The following CACNB2 variants were observed in gnomAD, a reference collection of about 807,000 sequenced individuals.
The protein encoded by CACNB2 is voltage-dependent L-type calcium channel subunit beta-2.
CACNB2 carries 42 observed loss-of-function variants against 73.3 expected under a neutral mutation model. The observed-to-expected ratio is 0.57, with a 90% CI of 0.45 to 0.74. The LOEUF is 0.74. Among genes scored for constraint, CACNB2 ranks in the 30% least tolerant of loss-of-function variants. The pLI, the probability that CACNB2 is intolerant of heterozygous loss-of-function variation, is 0.00. For missense variants in CACNB2, 940 were observed against 853.0 expected (o/e 1.10, Z -1.27); for synonymous variants, 348 against 310.3 (o/e 1.12, Z -1.28).
chr10:18,408,710 CTT>C (rs1380540827), intron 3 of CACNB2, among the ~76,000 whole-genome samples: 1 of 152,162 alleles, frequency 6.6e-6, no homozygotes, highest in Non-Finnish European at 1.5e-5. Flanking sequence ...TGAAAACATT[CTT>C]TCTCTTGCTG....
At position 18,315,332 on chromosome 10, in the gene CACNB2, AAAAACAAAAC is replaced by A. The variant is rs141967693; in HGVS notation, c.214-86567_214-86558del. Among the ~76,000 whole-genome samples, 838 of 143,418 alleles carry A rather than the reference AAAAACAAAAC, an allele frequency of 5.8e-3. 7 individuals carry two copies. Among genetic ancestry groups the A allele is most frequent in the Admixed American group, 0.017 (238 of 14,118 alleles). The allele number at this position is 143,418 out of a possible 152,430, so 94.1% of individuals were successfully genotyped here. Reference sequence around the variant, plus strand: ...CTGGGCAACAGAGCGAGACTCTGTCAAAAACAAAACAAAACAAAACAAAACAAAACAAAAA... The same window carrying A: ...CTGGGCAACAGAGCGAGACTCTGTCAAAAACAAAACAAAACAAAACAAAAA... On this transcript the variant is annotated intron_variant, in intron 2 of 13. Transcript: ENST00000324631.
At chr10:18,419,390 T>C (rs141588775) in intron 3 of CACNB2, among the ~76,000 whole-genome samples, 3 of 152,328 alleles carry the variant, frequency 2.0e-5, no homozygotes, top group African/African-American at 7.2e-5. Context: ...AACTGTATTA[T>C]AATGTACACA....
chr10:18,371,959 A>G (rs937640233), intron 2 of CACNB2, among the ~76,000 whole-genome samples: 5 of 152,282 alleles, frequency 3.3e-5, no homozygotes, highest in Admixed American at 3.3e-4. Flanking sequence ...GCCAGTGATG[A>G]TGAGCATTTT....
At chr10:18,505,253 A>C (rs2050426186) in intron 5 of CACNB2, among the ~76,000 whole-genome samples, 1 of 152,062 alleles carries the variant, frequency 6.6e-6, no homozygotes. Context: ...CAGAAAAAAA[A>C]AAAAAACTTC....
intron 2 of CACNB2, among the ~76,000 whole-genome samples, chr10:18,251,412 C>CA (rs2037084410): frequency 6.6e-6 from 1 of 151,966 alleles, no homozygotes; most frequent in Non-Finnish European, 1.5e-5. Flanking sequence ...AACGCCCAGC[C>CA]AATTTTTGTA....
intron 3 of CACNB2, among the ~76,000 whole-genome samples, chr10:18,453,815 G>C (rs915666884): frequency 6.6e-6 from 1 of 152,070 alleles, no homozygotes; most frequent in South Asian, 2.1e-4. Context: ...ATTTTTAGTA[G>C]AGACCAGGTT....
At chr10:18,310,755 G>A (rs1328584134) in intron 2 of CACNB2, among the ~76,000 whole-genome samples, 2 of 149,276 alleles carry the variant, frequency 1.3e-5, no homozygotes, top group African/African-American at 2.5e-5. Context: ...AATTTTTTTT[G>A]TATTTTTAGT....
intron 2 of CACNB2, among the ~76,000 whole-genome samples, chr10:18,267,690 TAA>T (rs1402778210): frequency 6.6e-6 from 1 of 152,174 alleles, no homozygotes; most frequent in Admixed American, 6.5e-5. Flanking sequence ...AAAATGAAAT[TAA>T]GTTGGTGGTT....
intron 3 of CACNB2, among the ~76,000 whole-genome samples, chr10:18,463,831 G>C (rs2047717741): frequency 6.6e-6 from 1 of 151,922 alleles, no homozygotes; most frequent in African/African-American, 2.4e-5. Context: ...CATGATCAGA[G>C]CCCAAAACAC....
At chr10:18,228,874 G>T (rs1449877153) in intron 2 of CACNB2, among the ~76,000 whole-genome samples, 1 of 152,148 alleles carries the variant, frequency 6.6e-6, no homozygotes, top group African/African-American at 2.4e-5. Context: ...AAGTAGCTGG[G>T]ATTACAAGCA....
chr10:18,191,346 CG>C (rs1464289272), intron 2 of CACNB2, among the ~76,000 whole-genome samples: 5 of 152,334 alleles, frequency 3.3e-5, no homozygotes, highest in East Asian at 1.9e-4. Flanking sequence ...AGCTGCCCCC[CG>C]TGTATTGCTG....
intron 2 of CACNB2, among the ~76,000 whole-genome samples, chr10:18,354,618 T>G (rs1347647345): frequency 1.3e-5 from 2 of 152,204 alleles, no homozygotes; most frequent in African/African-American, 2.4e-5. Context: ...TGTTTTTGCT[T>G]GTATGTTTGT....
intron 2 of CACNB2, among the ~76,000 whole-genome samples, chr10:18,384,609 A>G (rs939222212): frequency 6.6e-6 from 1 of 152,072 alleles, no homozygotes; most frequent in Non-Finnish European, 1.5e-5. Flanking sequence ...GCACATTTGC[A>G]ATCCCAGCTA....
At chr10:18,220,135 A>T (rs1187412177) in intron 2 of CACNB2, among the ~76,000 whole-genome samples, 1 of 41,488 alleles carries the variant, frequency 2.4e-5, no homozygotes, top group African/African-American at 2.0e-4. Context: ...ATATATATAT[A>T]TATATATATA....
chr10:18,214,929 A>G (rs2035454277), intron 2 of CACNB2, among the ~76,000 whole-genome samples: 1 of 152,186 alleles, frequency 6.6e-6, no homozygotes, highest in African/African-American at 2.4e-5. Flanking sequence ...CCAGTTTGTC[A>G]TAGAAGGAAG....
chr10:18,530,068 T>C (rs554962411), intron 10 of CACNB2, among the ~76,000 whole-genome samples: 2 of 152,268 alleles, frequency 1.3e-5, no homozygotes, highest in African/African-American at 4.8e-5. Flanking sequence ...ACTCATTCAC[T>C]ATCAGGAGAA....
intron 2 of CACNB2, among the ~76,000 whole-genome samples, chr10:18,255,957 G>A (rs1183269779): frequency 1.3e-5 from 2 of 152,194 alleles, no homozygotes; most frequent in African/African-American, 2.4e-5. Flanking sequence ...AACTCTGACT[G>A]TGTTCTTGCC....
intron 2 of CACNB2, among the ~76,000 whole-genome samples, chr10:18,182,739 T>C (rs2033953320): frequency 6.7e-6 from 1 of 150,294 alleles, no homozygotes; most frequent in South Asian, 2.1e-4. Context: ...GGAGAATTGC[T>C]GGAACCAGGG....
chr10:18,494,840 TACTTGAGGCCAGGA>T (rs1184164331), intron 3 of CACNB2, among the ~76,000 whole-genome samples: 6 of 151,910 alleles, frequency 3.9e-5, no homozygotes, highest in African/African-American at 1.5e-4. Context: ...GGGGGAGGAT[TACTTGAGGCCAGGA>T]GTTTGAGGCC....
Sources: allele counts gnomAD v4.1 joint callset (sites outside exome capture counted in the v4.1 genomes callset), GRCh38; gene constraint gnomAD v4.1.1; transcripts MANE v1.5; gene names NCBI Gene and HGNC (gene_info 2026-07-23, HGNC 2026-07-21).